SCD5: variants seen among roughly 807,000 people sequenced by gnomAD.
The protein encoded by SCD5 is acyl-CoA-desaturase 4.
In SCD5, 20 loss-of-function variants were observed where a neutral mutation model predicts 30.4. That is an observed-to-expected ratio of 0.66 (90% CI 0.46 to 0.96). The LOEUF (loss-of-function observed/expected upper bound fraction) is 0.96. Among genes scored for constraint, SCD5 ranks in the 40% least tolerant of loss-of-function variants. SCD5 has a pLI of 0.00. For synonymous variants in SCD5, 173 were observed against 176.4 expected, an observed-to-expected ratio of 0.98 and a Z score of 0.16; for missense variants, 381 against 443.3, an observed-to-expected ratio of 0.86 and a Z score of 1.26.
intron 3 of SCD5, among the ~76,000 whole-genome samples, chr4:82,650,078 G>C (rs1727716781): frequency 6.6e-6 from 1 of 152,160 alleles, no homozygotes; most frequent in South Asian, 2.1e-4. Flanking sequence ...TAAAGCTGTA[G>C]GTCTCAGCCG....
intron 1 of SCD5, among the ~76,000 whole-genome samples, chr4:82,780,385 C>T (rs543976298): frequency 2.0e-5 from 3 of 152,292 alleles, no homozygotes; most frequent in East Asian, 3.9e-4. Context: ...TTCTAGATCT[C>T]GTGAGTAGGA....
intron 1 of SCD5, among the ~76,000 whole-genome samples, chr4:82,797,322 C>T (rs549198268): frequency 6.6e-6 from 1 of 152,356 alleles, no homozygotes; most frequent in Non-Finnish European, 1.5e-5. Context: ...TCTCACTCAG[C>T]ATATCAATGC....
intron 1 of SCD5, among the ~76,000 whole-genome samples, chr4:82,729,642 C>T (rs1720584678): frequency 6.6e-6 from 1 of 152,056 alleles, no homozygotes; most frequent in Non-Finnish European, 1.5e-5. Context: ...GGGAGCAGAA[C>T]ATGCTACTCC....
At chr4:82,698,382 G>A (rs540602060) in intron 2 of SCD5, among the ~76,000 whole-genome samples, 1 of 152,288 alleles carries the variant, frequency 6.6e-6, no homozygotes, top group South Asian at 2.1e-4. Flanking sequence ...TCGCACACAA[G>A]TCTCCCTCCT....
intron 2 of SCD5, among the ~76,000 whole-genome samples, chr4:82,702,130 C>T (rs917630685): frequency 7.5e-4 from 48 of 64,110 alleles, no homozygotes; most frequent in South Asian, 3.2e-3. Context: ...CCATCATCAT[C>T]TTTTTTTTTT....
At chr4:82,659,295 T>G (rs1395402932) in intron 3 of SCD5, among the ~76,000 whole-genome samples, 1 of 152,218 alleles carries the variant, frequency 6.6e-6, no homozygotes, top group African/African-American at 2.4e-5. Flanking sequence ...CTGGATTCAT[T>G]GATTTTTTGA....
At chr4:82,660,896 C>A in intron 3 of SCD5, 1 of 1,614,070 alleles carries the variant, frequency 6.2e-7, no homozygotes, top group Non-Finnish European at 8.5e-7. Flanking sequence ...TCCAGGGACA[C>A]AGAAAGAGCA....
At chr4:82,787,662 G>C (rs1318021714) in intron 1 of SCD5, among the ~76,000 whole-genome samples, 1 of 152,108 alleles carries the variant, frequency 6.6e-6, no homozygotes, top group Admixed American at 6.5e-5. Flanking sequence ...TAGGAGGTGG[G>C]GCTTTGGGGA....
chr4:82,779,383 A>G (rs1721821558), intron 1 of SCD5, among the ~76,000 whole-genome samples: 2 of 152,200 alleles, frequency 1.3e-5, no homozygotes, highest in African/African-American at 4.8e-5. Context: ...AAAGGCAAGG[A>G]AACAGATTAC....
chr4:82,703,068 T>C (rs559941824), intron 2 of SCD5, among the ~76,000 whole-genome samples: 145 of 152,316 alleles, frequency 9.5e-4, no homozygotes, highest in African/African-American at 3.4e-3. Context: ...AATATCCTAC[T>C]AGACAGAAAA....
chr4:82,699,950 A>T (rs1022300042), intron 2 of SCD5, among the ~76,000 whole-genome samples: 4 of 151,556 alleles, frequency 2.6e-5, no homozygotes, highest in Non-Finnish European at 2.9e-5. Context: ...ATGGGCCACC[A>T]CACCTGGCCC....
chr4:82,738,950 G>A (rs1289314656), intron 1 of SCD5, among the ~76,000 whole-genome samples: 1 of 152,092 alleles, frequency 6.6e-6, no homozygotes, highest in Admixed American at 6.5e-5. Context: ...ACAGAGGTGG[G>A]GACTGACACT....
intron 1 of SCD5, among the ~76,000 whole-genome samples, chr4:82,754,390 C>T (rs1721181455): frequency 6.6e-6 from 1 of 152,146 alleles, no homozygotes; most frequent in Non-Finnish European, 1.5e-5. Flanking sequence ...AATGGGAAAG[C>T]AGAGAGAGGG....
At chr4:82,787,857 T>C (rs1008305504) in intron 1 of SCD5, among the ~76,000 whole-genome samples, 1 of 152,126 alleles carries the variant, frequency 6.6e-6, no homozygotes, top group Admixed American at 6.5e-5. Flanking sequence ...AAAAAGACCC[T>C]CATTCTCTAC....
At chr4:82,720,311 T>C (rs926590389) in intron 1 of SCD5, among the ~76,000 whole-genome samples, 1 of 151,508 alleles carries the variant, frequency 6.6e-6, no homozygotes, top group Non-Finnish European at 1.5e-5. Context: ...TGTACGCCTG[T>C]AGTCCCAGCT....
chr4:82,636,661 C>T lies in SCD5; in HGVS notation c.732G>A (p.Met244Ile), dbSNP rs775230226. The T allele has an allele frequency of 1.1e-5, 17 of 1,614,196 alleles. No individual in the cohort carries two copies. In the East Asian group the frequency reaches 3.1e-4, roughly 30 times the overall value. ...GCTTGTCATAGGGCCGGTTTCCATA[C>T]ATGTGGGCGGCGCTGTTGACCAGCC... The part of the protein sequence containing the change: ...ISWLVNSAAH[M>I]YGNRPYDKHI... Residue 244 changes from methionine to isoleucine, a missense_variant, in exon 4 of 5, where the codon ATG becomes ATA. By Grantham distance (10) the Met-to-Ile change is conservative (BLOSUM62 1). Transcript: ENST00000319540.
chr4:82,753,363 A>C (rs764367689), intron 1 of SCD5: 1 of 533,526 alleles, frequency 1.9e-6, no homozygotes, highest in Non-Finnish European at 3.9e-6. Flanking sequence ...CTCCTGTCCA[A>C]CTGGCTCATT....
intron 3 of SCD5, among the ~76,000 whole-genome samples, chr4:82,672,518 T>C (rs1256584066): frequency 6.6e-6 from 1 of 152,092 alleles, no homozygotes; most frequent in African/African-American, 2.4e-5. Flanking sequence ...TAAATAGGCC[T>C]ATATTTATTA....
At chr4:82,644,559 C>A (rs1173849507) in intron 3 of SCD5, among the ~76,000 whole-genome samples, 2 of 152,174 alleles carry the variant, frequency 1.3e-5, no homozygotes, top group African/African-American at 4.8e-5. Flanking sequence ...AATGATGAGT[C>A]TTGGTTTCCC....
Sources: allele counts gnomAD v4.1 joint callset (sites outside exome capture counted in the v4.1 genomes callset), GRCh38; gene constraint gnomAD v4.1.1; transcripts MANE v1.5; gene names NCBI Gene and HGNC (gene_info 2026-07-23, HGNC 2026-07-21).